The following RAB3C variants were observed in gnomAD, a reference collection of about 807,000 sequenced individuals.
RAB3C encodes the protein RAB3C, member RAS oncogene family, also known as ras-related protein Rab-3C.
A neutral mutation model predicts 26.4 loss-of-function variants in RAB3C; 17 were observed. The observed-to-expected ratio is 0.64, with a 90% CI of 0.44 to 0.97. RAB3C has a LOEUF of 0.97. RAB3C is among the 50% of genes least tolerant of loss of function. The pLI is 0.00. For missense variants in RAB3C, 242 were observed against 281.9 expected (o/e 0.86, Z 1.01); for synonymous variants, 91 against 95.9 (o/e 0.95, Z 0.30).
At chr5:58,825,208 T>C (rs1221785829) in intron 4 of RAB3C, 46 bp downstream of exon 4, 1 of 1,572,638 alleles carries the variant, frequency 6.4e-7, no homozygotes, top group Non-Finnish European at 8.7e-7. Context: ...ATTTGCTTAT[T>C]ATATGTAACT....
At chr5:58,800,690 G>A (rs1195145258) in intron 3 of RAB3C, among the ~76,000 whole-genome samples, 1 of 152,126 alleles carries the variant, frequency 6.6e-6, no homozygotes, top group East Asian at 1.9e-4. Flanking sequence ...GTGGGGGACT[G>A]TCGACATTCT....
chr5:58,597,262 C>T (rs1181113659), intron 1 of RAB3C, among the ~76,000 whole-genome samples: 1 of 62,268 alleles, frequency 1.6e-5, no homozygotes, highest in Non-Finnish European at 3.0e-5. Context: ...ATATACTACA[C>T]AATATATTAT....
chr5:58,593,116 T>G (rs1746174189), intron 1 of RAB3C, among the ~76,000 whole-genome samples: 1 of 152,158 alleles, frequency 6.6e-6, no homozygotes, highest in African/African-American at 2.4e-5. Context: ...TCCTTTATAT[T>G]TGTCAGATTG....
chr5:58,842,976 A>C (rs557624606), intron 4 of RAB3C, among the ~76,000 whole-genome samples: 1 of 152,230 alleles, frequency 6.6e-6, no homozygotes, highest in Non-Finnish European at 1.5e-5. Flanking sequence ...GAAGATGGAC[A>C]TTAGGGATGT....
intron 3 of RAB3C, among the ~76,000 whole-genome samples, chr5:58,737,658 T>C (rs1468279586): frequency 6.6e-6 from 1 of 151,882 alleles, no homozygotes; most frequent in Non-Finnish European, 1.5e-5. Context: ...CTTATTCACA[T>C]TGTATCTCCA....
rs566092708 is a variant in RAB3C, at chr5:58,818,783, C to G, written c.372-6255C>G. On this transcript the variant is annotated intron_variant, in intron 3 of 4. Coordinates refer to ENST00000282878, the MANE Select transcript of RAB3C (RefSeq NM_138453.4). ...ACCCAACAAAGAAATAAGACAGTCT[C>G]TCTCATGAGATGATTGGAAATGTGT... Among the ~76,000 whole-genome samples, 9 of 152,310 alleles carry G rather than the reference C, an allele frequency of 5.9e-5. No individual in the cohort carries two copies. In the East Asian group the frequency reaches 1.5e-3, roughly 26 times the overall value.
At chr5:58,824,369 A>T (rs1743425980) in intron 3 of RAB3C, among the ~76,000 whole-genome samples, 1 of 152,174 alleles carries the variant, frequency 6.6e-6, no homozygotes, top group Admixed American at 6.5e-5. Flanking sequence ...ATCATACTGG[A>T]GGCTTATTCT....
At chr5:58,707,001 C>T (rs1405867841) in intron 2 of RAB3C, among the ~76,000 whole-genome samples, 1 of 152,104 alleles carries the variant, frequency 6.6e-6, no homozygotes, top group Admixed American at 6.6e-5. Flanking sequence ...ATTTGTTGTT[C>T]GATTGCCTTG....
chr5:58,621,680 A>C (rs898321187), intron 2 of RAB3C, among the ~76,000 whole-genome samples: 47 of 152,102 alleles, frequency 3.1e-4, no homozygotes, highest in African/African-American at 1.1e-3. Context: ...GGTTCAAGCA[A>C]TTCTCCAGCC....
chr5:58,612,550 A>ATATATATATATG (rs1561266489), intron 1 of RAB3C, among the ~76,000 whole-genome samples: 4 of 91,726 alleles, frequency 4.4e-5, no homozygotes, highest in African/African-American at 1.3e-4. Context: ...ATATATATGT[A>ATATATATATATG]TATATATATA....
intron 4 of RAB3C, among the ~76,000 whole-genome samples, chr5:58,849,601 A>C (rs951960764): frequency 2.6e-5 from 4 of 152,230 alleles, no homozygotes; most frequent in Admixed American, 1.3e-4. Context: ...AAGGAAAGAA[A>C]AATACAAGCC....
chr5:58,586,999 T>G (rs1746021247), intron 1 of RAB3C, among the ~76,000 whole-genome samples: 2 of 152,156 alleles, frequency 1.3e-5, no homozygotes, highest in Admixed American at 6.5e-5. Flanking sequence ...GAAATGGACA[T>G]GTAGTCCTCA....
intron 1 of RAB3C, among the ~76,000 whole-genome samples, chr5:58,609,589 G>C (rs1160464692): frequency 2.6e-5 from 4 of 152,116 alleles, no homozygotes; most frequent in African/African-American, 9.7e-5. Context: ...TACTAAAGAA[G>C]CTACACATGA....
rs1267838265 is a variant in RAB3C at position 58,858,591 on chromosome 5, C to G, written c.*7240C>G. The G allele has an allele frequency of 6.6e-6, 1 of 152,078 alleles. No homozygotes were observed. Among genetic ancestry groups the G allele is most frequent in the East Asian group, 1.9e-4 (1 of 5,176 alleles). The allele number at this position is 152,078 out of a possible 1,614,324, so 9.4% of individuals were successfully genotyped here. A position where few individuals can be genotyped will look rare whatever the true frequency, so the allele number is the denominator to read the frequency against. On this transcript the variant is annotated 3_prime_UTR_variant, in exon 5 of 5. Coordinates refer to ENST00000282878, the MANE Select transcript of RAB3C (RefSeq NM_138453.4). ...TCAGAGAGGGCTCCATTGAAGAGGT[C>G]AAACATAATTCCGGAAAGAATTAGG...
At position 58,824,649 on chromosome 5, in the gene RAB3C, C is replaced by T. The variant is rs561070394; in HGVS notation, c.372-389C>T. Among the ~76,000 whole-genome samples, 7 of 152,184 alleles carry T rather than the reference C, an allele frequency of 4.6e-5. No individual in the cohort carries two copies. The East Asian group carries it at 7.7e-4, about 17-fold the overall frequency. On this transcript the variant is annotated intron_variant, in intron 3 of 4. Transcript: ENST00000282878. Reference sequence around the variant, plus strand: ...GGCAGCCATCTCAGTTTGCCTGAAACGGAGGGGTTTCTCAGGACATGGGAC... The same window carrying T: ...GGCAGCCATCTCAGTTTGCCTGAAATGGAGGGGTTTCTCAGGACATGGGAC...
chr5:58,762,729 T>A (rs950288286), intron 3 of RAB3C, among the ~76,000 whole-genome samples: 1 of 152,152 alleles, frequency 6.6e-6, no homozygotes, highest in African/African-American at 2.4e-5. Flanking sequence ...TTGACTTGCT[T>A]AATTGAAAAT....
intron 1 of RAB3C, among the ~76,000 whole-genome samples, chr5:58,602,640 T>C (rs1025002132): frequency 1.3e-5 from 2 of 149,344 alleles, no homozygotes; most frequent in African/African-American, 4.8e-5. Context: ...AAGTTTGTTT[T>C]GTCTGATATA....
At chr5:58,837,550 A>T (rs1579946358) in intron 4 of RAB3C, among the ~76,000 whole-genome samples, 1 of 120,602 alleles carries the variant, frequency 8.3e-6, no homozygotes, top group African/African-American at 3.0e-5. Flanking sequence ...TTCTTGTTTC[A>T]GTCTCTCTTT....
chr5:58,672,217 G>A (rs1281793690), intron 2 of RAB3C, among the ~76,000 whole-genome samples: 3 of 152,130 alleles, frequency 2.0e-5, no homozygotes, highest in African/African-American at 7.2e-5. Flanking sequence ...GTCTCTCTTT[G>A]GAAGGACCCA....
Sources: gnomAD v4.1 joint callset for allele counts (sites outside exome capture counted in the v4.1 genomes callset) on GRCh38, gnomAD v4.1.1 for gene constraint, MANE v1.5 for transcripts, NCBI Gene and HGNC (gene_info 2026-07-23, HGNC 2026-07-21) for gene names.